The following CYB5R3 variants were observed in gnomAD, a reference collection of about 807,000 sequenced individuals.
CYB5R3 encodes NADH-cytochrome b5 reductase 3.
Under a neutral mutation model 36.5 loss-of-function variants are expected in CYB5R3, and 28 were observed. That is an observed-to-expected ratio of 0.77 (90% confidence interval 0.57 to 1.05). The LOEUF is 1.05. Ranked by LOEUF, CYB5R3 falls within the 50% of genes least tolerant of loss-of-function variation. The pLI is 0.00. For missense variants in CYB5R3, 474 were observed against 408.9 expected (o/e 1.16, Z -1.37); for synonymous variants, 181 against 159.8 (o/e 1.13, Z -1.00).
chr22:42,631,571 C>T (rs1928623783), intron 2 of CYB5R3, 121 bp from the exon 3 acceptor site: 3 of 868,664 alleles, frequency 3.5e-6, no homozygotes, highest in Non-Finnish European at 5.7e-6. Context: ...CCAGTGCCTG[C>T]TTGTCCTTGT....
rs753084902 is a variant in CYB5R3 at position 42,636,787 on chromosome 22, G to T, written c.81C>A (p.Phe27Leu). Residue 27 changes from phenylalanine (F) to leucine (L), a missense_variant, in exon 2 of 9, where the codon TTC becomes TTA. Physicochemically the swap from Phe to Leu is conservative, Grantham distance 22. Coordinates refer to ENST00000352397, the MANE Select transcript of CYB5R3 (RefSeq NM_000398.7). ...WFLYSLLMKL[F>L]QRSTPAITLE... is the part of the protein sequence containing the mutation. ...GGGTGATGGCTGGCGTGGAGCGCTGGAACAGCTTCATGAGCAGACTGTACA... is the reference window on the plus strand; with the variant it reads ...GGGTGATGGCTGGCGTGGAGCGCTGTAACAGCTTCATGAGCAGACTGTACA... The T allele has an allele frequency of 1.2e-6, 2 of 1,613,952 alleles. No individual in the cohort carries two copies. Among genetic ancestry groups the T allele is most frequent in the Non-Finnish European group, 1.7e-6 (2 of 1,179,994 alleles).
chr22:42,628,209 T>C lies in CYB5R3; in HGVS notation c.406A>G (p.Ile136Val), dbSNP rs772101713. 69 of 1,613,946 alleles carry C rather than the reference T, an allele frequency of 4.3e-5. No homozygotes were observed. Among genetic ancestry groups the C allele is most frequent in the Non-Finnish European group, 5.8e-5 (68 of 1,179,992 alleles). Residue 136 changes from isoleucine (I) to valine (V), a missense_variant, in exon 5 of 9, where the codon ATT (isoleucine) becomes GTT (valine). By Grantham distance (29) the Ile-to-Val change is conservative. Transcript: ENST00000352397. ...KMSQYLESMQ[I>V]GDTIEFRGPS... is the part of the protein sequence containing the mutation. ...CCCCGGAACTCAATGGTGTCTCCAATCTGCATGCTCTCCAGGTACTGAGAC... is the reference window on the plus strand; with the variant it reads ...CCCCGGAACTCAATGGTGTCTCCAACCTGCATGCTCTCCAGGTACTGAGAC...
intron 7 of CYB5R3, 119 bp downstream of exon 7, chr22:42,627,185 T>A: frequency 1.1e-6 from 1 of 873,400 alleles, no homozygotes; most frequent in Non-Finnish European, 1.9e-6. Flanking sequence ...GGGCCCCCCA[T>A]CCCGGTCATC....
At chr22:42,621,849 C>T (rs1261222173) in intron 8 of CYB5R3, among the ~76,000 whole-genome samples, 1 of 152,260 alleles carries the variant, frequency 6.6e-6, no homozygotes, top group Non-Finnish European at 1.5e-5. Flanking sequence ...CCCGCCCATG[C>T]CATTAGAAAC....
chr22:42,646,713 G>T (rs906372852), intron 1 of CYB5R3: 5 of 985,640 alleles, frequency 5.1e-6, no homozygotes, highest in Admixed American at 6.1e-5. Flanking sequence ...TGTTCTAACC[G>T]GGAGGAAGTG....
At chr22:42,622,154 T>C (rs1489985126) in intron 8 of CYB5R3, among the ~76,000 whole-genome samples, 1 of 152,128 alleles carries the variant, frequency 6.6e-6, no homozygotes, top group Non-Finnish European at 1.5e-5. Context: ...TCTCTTGACC[T>C]CATGATCTGC....
In CYB5R3 at chr22:42,619,753, CGT is replaced by C; in HGVS notation, c.*18_*19del. On this transcript the variant is annotated 3_prime_UTR_variant, in exon 9 of 9. Coordinates refer to ENST00000352397, the MANE Select transcript of CYB5R3 (RefSeq NM_000398.7). Reference sequence around the variant, plus strand: ...GCGTGGGGTGCGCGGGGCGGGTGGCCGTGTGACCGTGCCCGGCCCTCAGAAGA... The same window carrying C: ...GCGTGGGGTGCGCGGGGCGGGTGGCCGTGACCGTGCCCGGCCCTCAGAAGA... 1 of 1,554,634 alleles carries C rather than the reference CGT, an allele frequency of 6.4e-7. No homozygotes were observed. The highest frequency in any genetic ancestry group is 8.7e-7 in the Non-Finnish European group (1 of 1,153,430).
intron 1 of CYB5R3, among the ~76,000 whole-genome samples, chr22:42,640,966 T>C (rs1929238183): frequency 6.6e-6 from 1 of 150,952 alleles, no homozygotes; most frequent in Admixed American, 6.6e-5. Flanking sequence ...AAGCAATTCT[T>C]CTGTCTCAGC....
At chr22:42,631,351 A>G (rs779252581) in intron 3 of CYB5R3, 27 bp downstream of exon 3, 13 of 1,547,876 alleles carry the variant, frequency 8.4e-6, no homozygotes, top group Non-Finnish European at 1.0e-5. Context: ...CCGGGCTCCG[A>G]ATGGGCCCAG....
At position 42,646,414 on chromosome 22, in the gene CYB5R3, C is replaced by A. The variant is rs982019205; in HGVS notation, c.21+2881G>T. 8.5e-5 allele frequency among the ~76,000 whole-genome samples: 13 copies of A among 152,166 alleles called. No homozygotes were observed. In the East Asian group the frequency reaches 2.5e-3, roughly 29 times the overall value. On this transcript the variant is annotated intron_variant, in intron 1 of 8. Transcript: ENST00000352397. ...AGTCCCAGGGAGCCCCCAGCTCATG[C>A]ACCATAGCTGAGGGGCTGCGTAGCT...
rs1298837194 is a variant in CYB5R3 at position 42,639,341 on chromosome 22, G to GGC, written c.22-2496_22-2495insGC. 7.4e-5 allele frequency among the ~76,000 whole-genome samples: 8 copies of GGC among 108,718 alleles called. No individual in the cohort carries two copies. In the South Asian group the frequency reaches 1.8e-3, roughly 25 times the overall value. The allele number at this position is 108,718 out of a possible 152,430, so 71.3% of individuals were successfully genotyped here. A position where few individuals can be genotyped will look rare whatever the true frequency, so the allele number is the denominator to read the frequency against. ...TCTGTCTCAAAAAAAAAAAAAGTGGGGGGGGACCGGGCACGGTGGCTCACG... is the reference window on the plus strand; with the variant it reads ...TCTGTCTCAAAAAAAAAAAAAGTGGGGCGGGGGACCGGGCACGGTGGCTCACG... On this transcript the variant is annotated intron_variant, in intron 1 of 8. Coordinates refer to ENST00000352397, the MANE Select transcript of CYB5R3 (RefSeq NM_000398.7).
In CYB5R3 at chr22:42,628,427, G is replaced by A. The variant is rs564186557; in HGVS notation, c.334-146C>T. The A allele has an allele frequency of 1.5e-4, 153 of 1,035,266 alleles. 1 individual carries two copies. The highest frequency in any genetic ancestry group is 2.8e-4 in the Middle Eastern group (1 of 3,542). The allele number at this position is 1,035,266 out of a possible 1,614,324, so 64.1% of individuals were successfully genotyped here. A position where few individuals can be genotyped will look rare whatever the true frequency, so the allele number is the denominator to read the frequency against. Reference sequence around the variant, plus strand: ...CCCGTGGAGCCCCATCCACCCAGCCGTCAAATCCTACCTGTCCTGCACCCC... The same window carrying A: ...CCCGTGGAGCCCCATCCACCCAGCCATCAAATCCTACCTGTCCTGCACCCC... On this transcript the variant is annotated intron_variant, in intron 4 of 8. Coordinates refer to ENST00000352397, the MANE Select transcript of CYB5R3 (RefSeq NM_000398.7).
intron 4 of CYB5R3, 21 bp from the exon 5 acceptor site, chr22:42,628,302 C>T (rs763952402): frequency 3.3e-5 from 53 of 1,612,802 alleles, no homozygotes; most frequent in South Asian, 1.3e-4. Flanking sequence ...CCCCCGCAGC[C>T]CTCAGTCCCC....
At chr22:42,639,738 A>G in intron 1 of CYB5R3, 2 of 528,916 alleles carry the variant, frequency 3.8e-6, no homozygotes, top group Admixed American at 3.3e-5. Context: ...TGTTCTTAGG[A>G]GATACACACT....
At chr22:42,644,121 C>G (rs552135433) in intron 1 of CYB5R3, among the ~76,000 whole-genome samples, 1 of 152,116 alleles carries the variant, frequency 6.6e-6, no homozygotes, top group Non-Finnish European at 1.5e-5. Flanking sequence ...TATAGCCATT[C>G]AGGGTGGGCC....
At chr22:42,624,010 G>T in intron 7 of CYB5R3, 122 bp from the exon 8 acceptor site, 1 of 820,102 alleles carries the variant, frequency 1.2e-6, no homozygotes, top group Non-Finnish European at 2.0e-6. Context: ...GGAGCTTTCA[G>T]GAGGGGACTC....
At chr22:42,644,305 G>A (rs1000045604) in intron 1 of CYB5R3, 7 of 678,216 alleles carry the variant, frequency 1.0e-5, no homozygotes, top group African/African-American at 5.3e-5. Context: ...ACCAACAGGC[G>A]GCTCCACCCC....
At chr22:42,646,692 C>T (rs1054227904) in intron 1 of CYB5R3, 20 of 985,450 alleles carry the variant, frequency 2.0e-5, no homozygotes, top group Non-Finnish European at 2.4e-5. Flanking sequence ...GCGGCACCTC[C>T]CTCCTGGTCC....
Position 42,618,494 on chromosome 22 carries a change from G to A in CYB5R3, c.*1279C>T, listed in dbSNP as rs1356191068. ...GGAGCTTGCAGTGAGCCGAGATCCC[G>A]CCACTGCACTCCAGCCTGGGCGACA... On this transcript the variant is annotated 3_prime_UTR_variant, in exon 9 of 9. Coordinates refer to ENST00000352397, the MANE Select transcript of CYB5R3 (RefSeq NM_000398.7). 2 of 135,114 alleles carry A rather than the reference G, an allele frequency of 1.5e-5. No homozygotes were observed. Among genetic ancestry groups the A allele is most frequent in the African/African-American group, 6.0e-5 (2 of 33,408 alleles). The allele number at this position is 135,114 out of a possible 1,614,324, so 8.4% of individuals were successfully genotyped here.
Sources: gnomAD v4.1 joint callset for allele counts (sites outside exome capture counted in the v4.1 genomes callset) on GRCh38, gnomAD v4.1.1 for gene constraint, MANE v1.5 for transcripts, NCBI Gene and HGNC (gene_info 2026-07-23, HGNC 2026-07-21) for gene names.